CLN8: variants seen among roughly 807,000 people sequenced by gnomAD.
The protein encoded by CLN8 is CLN8 transmembrane ER and ERGIC protein, also known as protein CLN8.
CLN8 carries 14 observed loss-of-function variants against 15.7 expected under a neutral mutation model. The observed-to-expected ratio is 0.89, with a 90% CI of 0.59 to 1.39. CLN8 has a LOEUF of 1.39. CLN8 is among the 40% of genes most tolerant of loss of function. The probability of loss-of-function intolerance (pLI) is 0.00; values close to 1 mark genes in which losing one functional copy is unlikely to be tolerated. For missense variants in CLN8, 415 were observed against 364.0 expected, an observed-to-expected ratio of 1.14 and a Z score of -1.14; for synonymous variants, 188 against 151.0, an observed-to-expected ratio of 1.25 and a Z score of -1.80.
intron 1 of CLN8, among the ~76,000 whole-genome samples, chr8:1,768,973 C>T (rs543100416): frequency 1.6e-4 from 24 of 152,320 alleles, no homozygotes; most frequent in Admixed American, 1.4e-3. Context: ...AGTTGTCATC[C>T]ATAGCATCTA....
chr8:1,753,886 C>CA (rs1246928117), upstream of CLN8, among the ~76,000 whole-genome samples: 1,429 of 134,722 alleles, frequency 0.011, 22 homozygotes, highest in African/African-American at 0.036. Context: ...ACCTCCATCT[C>CA]AAAAAAAAAA....
intron 2 of CLN8, chr8:1,780,036 G>T (rs1287665530): frequency 1.0e-6 from 1 of 985,376 alleles, no homozygotes; most frequent in East Asian, 1.1e-4. Flanking sequence ...AGCGGGCAAG[G>T]GTCAGCCCTG....
chr8:1,779,534 C>T lies in CLN8; in HGVS notation c.544-716C>T, dbSNP rs377140956. 9.6e-4 allele frequency among the ~76,000 whole-genome samples: 147 copies of T among 152,334 alleles called. 1 individual carries two copies. In the East Asian group the frequency reaches 0.015, roughly 16 times the overall value. ...TGCTGGGATTATAGGCGTGAGCCACCGTGCCTGGCCCAAGTTAGAATATTT... is the reference window on the plus strand; with the variant it reads ...TGCTGGGATTATAGGCGTGAGCCACTGTGCCTGGCCCAAGTTAGAATATTT... On this transcript the variant is annotated intron_variant, in intron 2 of 2. Transcript: ENST00000331222.
rs998466019 is a variant in CLN8 at position 1,768,425 on chromosome 8, T to C, written c.-123-2507T>C. ...CTGAGGTGGATTTGAGTCATTGATC[T>C]GGGCAGAGCCTTCTGGAGTCGGGGT... On this transcript the variant is annotated intron_variant, in intron 1 of 2. Transcript: ENST00000331222. Among the ~76,000 whole-genome samples, 5 of 152,322 alleles carry C rather than the reference T, an allele frequency of 3.3e-5. No individual in the cohort carries two copies. In the South Asian group the frequency reaches 6.2e-4, roughly 19 times the overall value.
In CLN8 at chr8:1,771,194, C is replaced by G; in HGVS notation, c.140C>G (p.Ser47Cys). ...TTTGTGGTCTGCCACCAGCTGTCCT[C>G]TTCCCTGAATGCCACTTACCGTTCT... ...GVFVVCHQLS[S>C]SLNATYRSLV... Residue 47 changes from serine to cysteine, a missense_variant, in exon 2 of 3, where the codon TCT becomes TGT. By Grantham distance (112) the Ser-to-Cys change is moderately radical. Coordinates refer to ENST00000331222, the MANE Select transcript of CLN8 (RefSeq NM_018941.4). The G allele has an allele frequency of 6.2e-7, 1 of 1,614,086 alleles. No homozygotes were observed. Among genetic ancestry groups the G allele is most frequent in the Non-Finnish European group, 8.5e-7 (1 of 1,180,022 alleles).
Position 1,781,300 on chromosome 8 carries a change from G to T in CLN8, c.*733G>T, listed in dbSNP as rs533421105. ...CTGAACCCGGGAGGCGGAGGTTGCA[G>T]TGAGCTGAGATCGCACCACTGCACT... On this transcript the variant is annotated 3_prime_UTR_variant, in exon 3 of 3. Coordinates refer to ENST00000331222, the MANE Select transcript of CLN8 (RefSeq NM_018941.4). 2 of 151,438 alleles carry T rather than the reference G, an allele frequency of 1.3e-5. No individual in the cohort carries two copies. Among genetic ancestry groups the T allele is most frequent in the African/African-American group, 4.9e-5 (2 of 41,082 alleles). The allele number at this position is 151,438 out of a possible 1,614,324, so 9.4% of individuals were successfully genotyped here. A position where few individuals can be genotyped will look rare whatever the true frequency, so the allele number is the denominator to read the frequency against.
At chr8:1,773,541 G>T (rs1245562677) in intron 2 of CLN8, 1 of 152,286 alleles carries the variant, frequency 6.6e-6, no homozygotes, top group Non-Finnish European at 1.5e-5. Flanking sequence ...TGGTCTAAGT[G>T]TGGGTCATTT....
chr8:1,770,872 G>C, intron 1 of CLN8, 60 bp from the exon 2 acceptor site: 1 of 628,942 alleles, frequency 1.6e-6, no homozygotes, highest in South Asian at 1.8e-5. Context: ...TGCGTTACTG[G>C]GGTAGTGATG....
chr8:1,780,269 T>A lies in CLN8; in HGVS notation c.563T>A (p.Leu188Gln). ...MLLKAGWSES[L>Q]FWKLNQWLMI... ...ATGCAGGCGGGCTGGTCCGAGTCTC[T>A]GTTTTGGAAGCTCAACCAGTGGCTG... Residue 188 changes from leucine (L) to glutamine (Q), a missense_variant, in exon 3 of 3, where the codon CTG becomes CAG. Leu to Gln is a moderately radical substitution (Grantham distance 113). Transcript: ENST00000331222. The A allele has an allele frequency of 6.2e-7, 1 of 1,614,284 alleles. No individual in the cohort carries two copies. Among genetic ancestry groups the A allele is most frequent in the Non-Finnish European group, 8.5e-7 (1 of 1,180,056 alleles).
At chr8:1,778,302 G>C (rs901533693) in intron 2 of CLN8, among the ~76,000 whole-genome samples, 2 of 152,206 alleles carry the variant, frequency 1.3e-5, no homozygotes, top group Non-Finnish European at 2.9e-5. Context: ...AGAACTTGTA[G>C]CCTAACTCTA....
intron 2 of CLN8, among the ~76,000 whole-genome samples, chr8:1,777,551 A>G (rs1801567591): frequency 6.6e-6 from 1 of 152,222 alleles, no homozygotes; most frequent in South Asian, 2.1e-4. Flanking sequence ...TTAAAACACA[A>G]ATACATTGTG....
chr8:1,778,837 G>C (rs1053697868), intron 2 of CLN8, among the ~76,000 whole-genome samples: 7 of 152,162 alleles, frequency 4.6e-5, no homozygotes, highest in African/African-American at 1.4e-4. Flanking sequence ...TAGAATAGAT[G>C]CTCTTTGACT....
chr8:1,754,621 C>G (rs1362550612), upstream of CLN8, among the ~76,000 whole-genome samples: 1 of 152,204 alleles, frequency 6.6e-6, no homozygotes, highest in Admixed American at 6.5e-5. Context: ...ACTTCAGCAT[C>G]TAAAGCTGCT....
intron 2 of CLN8, chr8:1,780,022 C>G: frequency 1.0e-6 from 1 of 985,466 alleles, no homozygotes. Context: ...AGGAAAACAG[C>G]ATGAGCGGGC....
intron 1 of CLN8, among the ~76,000 whole-genome samples, chr8:1,757,901 CA>C (rs1800709160): frequency 6.6e-6 from 1 of 152,116 alleles, no homozygotes; most frequent in Non-Finnish European, 1.5e-5. Context: ...GTCTGATCCT[CA>C]AATAGCAGAA....
At chr8:1,770,108 G>C (rs1212247959) in intron 1 of CLN8, among the ~76,000 whole-genome samples, 3 of 152,182 alleles carry the variant, frequency 2.0e-5, no homozygotes, top group Non-Finnish European at 2.9e-5. Flanking sequence ...TGAGTGTTTG[G>C]GGTATGCATC....
chr8:1,773,527 C>G (rs1801396504), intron 2 of CLN8: 2 of 152,446 alleles, frequency 1.3e-5, no homozygotes, highest in South Asian at 2.1e-4. Flanking sequence ...GAATATGAAG[C>G]TGCTGGTCTA....
At chr8:1,770,444 G>T (rs1263762208) in intron 1 of CLN8, among the ~76,000 whole-genome samples, 1 of 152,190 alleles carries the variant, frequency 6.6e-6, no homozygotes, top group Admixed American at 6.5e-5. Flanking sequence ...CCCTGCTGCT[G>T]TTGAGAAGGC....
chr8:1,755,043 G>C (rs1201902407), upstream of CLN8, among the ~76,000 whole-genome samples: 1 of 152,174 alleles, frequency 6.6e-6, no homozygotes, highest in East Asian at 1.9e-4. Context: ...TGCTGGGGCT[G>C]CCAGATCTGC....
Sources: gnomAD v4.1 joint callset for allele counts (sites outside exome capture counted in the v4.1 genomes callset) on GRCh38, gnomAD v4.1.1 for gene constraint, MANE v1.5 for transcripts, NCBI Gene and HGNC (gene_info 2026-07-23, HGNC 2026-07-21) for gene names.